DEPDC1B: variants seen among roughly 807,000 people sequenced by gnomAD.
DEPDC1B encodes DEP domain-containing protein 1B.
Under a neutral mutation model 66.5 loss-of-function variants are expected in DEPDC1B, and 51 were observed. That is an observed-to-expected ratio of 0.77 (90% CI 0.61 to 0.97). The LOEUF (loss-of-function observed/expected upper bound fraction) is 0.97. DEPDC1B is among the 50% of genes least tolerant of loss of function. The pLI is 0.00. For missense variants in DEPDC1B, 552 were observed against 637.1 expected, an observed-to-expected ratio of 0.87 and a Z score of 1.44; for synonymous variants, 226 against 223.6, an observed-to-expected ratio of 1.01 and a Z score of -0.10.
At chr5:60,613,386 T>C (rs1055352946) in intron 7 of DEPDC1B, among the ~76,000 whole-genome samples, 3 of 152,218 alleles carry the variant, frequency 2.0e-5, no homozygotes, top group African/African-American at 7.2e-5. Context: ...GAATCATTAA[T>C]GTATTCATTC....
rs756852513 is a variant in DEPDC1B at position 60,687,224 on chromosome 5, T to G, written c.52A>C (p.Asn18His). 2 of 1,606,098 alleles carry G rather than the reference T, an allele frequency of 1.2e-6. No individual in the cohort carries two copies. The highest frequency in any genetic ancestry group is 1.1e-5 in the South Asian group (1 of 90,856). Residue 18 changes from asparagine to histidine, a missense_variant, in exon 2 of 11, where the codon AAT becomes CAT. By Grantham distance (68) the Asn-to-His change is moderately conservative. Coordinates refer to ENST00000265036, the MANE Select transcript of DEPDC1B (RefSeq NM_018369.3). Reference protein sequence around the residue: ...PGPYRATRLWNETVELFRAKM... With the variant: ...PGPYRATRLWHETVELFRAKM... The stretch of plus-strand genomic sequence containing the variant: ...GCACGAAAAAGCTCCACGGTCTCAT[T>G]CCACTAGGGGAAAGAAAGAGAATGG...
At chr5:60,665,198 G>C (rs1161932793) in intron 2 of DEPDC1B, among the ~76,000 whole-genome samples, 1 of 152,032 alleles carries the variant, frequency 6.6e-6, no homozygotes, top group Non-Finnish European at 1.5e-5. Flanking sequence ...AGCCACCGAA[G>C]AAGAAAAAAT....
At chr5:60,685,671 GT>G in intron 2 of DEPDC1B, among the ~76,000 whole-genome samples, 1 of 152,312 alleles carries the variant, frequency 6.6e-6, no homozygotes, top group East Asian at 1.9e-4. Context: ...TAGAATGGAA[GT>G]TACTCATCCA....
At chr5:60,614,843 T>C (rs1036346157) in intron 7 of DEPDC1B, among the ~76,000 whole-genome samples, 1 of 151,646 alleles carries the variant, frequency 6.6e-6, no homozygotes, top group East Asian at 1.9e-4. Context: ...ATACAAAACA[T>C]AGCCAGGCAT....
chr5:60,677,692 C>A (rs978399587), intron 2 of DEPDC1B, among the ~76,000 whole-genome samples: 1 of 152,054 alleles, frequency 6.6e-6, no homozygotes, highest in Non-Finnish European at 1.5e-5. Context: ...CATGCCACCA[C>A]TTCACCTAAC....
chr5:60,624,721 GTTATT>G (rs1366861467), intron 7 of DEPDC1B, among the ~76,000 whole-genome samples: 2 of 152,036 alleles, frequency 1.3e-5, no homozygotes, highest in African/African-American at 2.4e-5. Context: ...TGACATACAT[GTTATT>G]TTATTATTAT....
intron 3 of DEPDC1B, 122 bp downstream of exon 3, chr5:60,647,276 A>T: frequency 7.9e-7 from 1 of 1,260,420 alleles, no homozygotes; most frequent in Non-Finnish European, 1.1e-6. Flanking sequence ...TGGCAGGTAC[A>T]ATTTTGTTTT....
chr5:60,693,618 A>G (rs1210557783), intron 1 of DEPDC1B, among the ~76,000 whole-genome samples: 1 of 152,192 alleles, frequency 6.6e-6, no homozygotes, highest in South Asian at 2.1e-4. Flanking sequence ...AGCAGGATAC[A>G]CAACTTAGCA....
intron 7 of DEPDC1B, among the ~76,000 whole-genome samples, chr5:60,618,833 A>C (rs987861469): frequency 6.6e-6 from 1 of 152,138 alleles, no homozygotes; most frequent in African/African-American, 2.4e-5. Flanking sequence ...GAGACACAAC[A>C]AAAAAAGAGA....
rs188095025 is a variant in DEPDC1B at position 60,615,762 on chromosome 5, A to T, written c.899-9906T>A. Among the ~76,000 whole-genome samples the T allele has an allele frequency of 7.9e-3, 1,198 of 152,308 alleles. 14 individuals carry two copies. The highest frequency in any genetic ancestry group is 0.027 in the African/African-American group (1,135 of 41,568). On this transcript the variant is annotated intron_variant, in intron 7 of 10. Transcript: ENST00000265036. ...GGGAGCAATAACCTCTGCAGACTTA[A>T]ATGTCACTGTCTGACAGCCTTGAAG...
chr5:60,635,102 C>T (rs908483603), intron 7 of DEPDC1B, among the ~76,000 whole-genome samples: 1 of 151,264 alleles, frequency 6.6e-6, no homozygotes, highest in African/African-American at 2.4e-5. Context: ...AAGCCCTGGG[C>T]TCTGAGAGCA....
At chr5:60,663,129 G>T (rs149654961) in intron 2 of DEPDC1B, among the ~76,000 whole-genome samples, 2 of 151,934 alleles carry the variant, frequency 1.3e-5, no homozygotes, top group African/African-American at 2.4e-5. Flanking sequence ...AAAGAAACAC[G>T]TTTTTTTGTC....
chr5:60,659,498 G>C (rs1167402253), intron 2 of DEPDC1B, among the ~76,000 whole-genome samples: 2 of 152,168 alleles, frequency 1.3e-5, no homozygotes, highest in Non-Finnish European at 1.5e-5. Context: ...TGGCTTGGGA[G>C]CATTGGTCTG....
At chr5:60,605,077 A>G (rs890680083) in intron 8 of DEPDC1B, among the ~76,000 whole-genome samples, 5 of 152,210 alleles carry the variant, frequency 3.3e-5, no homozygotes, top group African/African-American at 1.2e-4. Context: ...GCTAGTAAGT[A>G]AATTCTAAAA....
intron 2 of DEPDC1B, among the ~76,000 whole-genome samples, chr5:60,676,233 T>TTTA (rs5868247): frequency 6.6e-6 from 1 of 150,694 alleles, no homozygotes; most frequent in South Asian, 2.1e-4. Context: ...CCCGGCCTTT[T>TTTA]TTTTTTTTTT....
At chr5:60,613,788 TTGTGTG>T (rs36109910) in intron 7 of DEPDC1B, among the ~76,000 whole-genome samples, 1,305 of 103,370 alleles carry the variant, frequency 0.013, 21 homozygotes, top group African/African-American at 0.044. Flanking sequence ...ACATATGTAT[TTGTGTG>T]TGTGTGTGTG....
intron 7 of DEPDC1B, among the ~76,000 whole-genome samples, chr5:60,631,890 T>A (rs1452453997): frequency 6.6e-6 from 1 of 152,146 alleles, no homozygotes; most frequent in Non-Finnish European, 1.5e-5. Context: ...AGTTAATAAG[T>A]GGGGCACACT....
chr5:60,638,676 A>T, intron 7 of DEPDC1B, 74 bp downstream of exon 7: 1 of 1,450,514 alleles, frequency 6.9e-7, no homozygotes, highest in Non-Finnish European at 9.3e-7. Flanking sequence ...GGCTAATGGA[A>T]GTCTCAAAAT....
chr5:60,623,733 A>G (rs915652095), intron 7 of DEPDC1B, among the ~76,000 whole-genome samples: 1 of 152,034 alleles, frequency 6.6e-6, no homozygotes, highest in African/African-American at 2.4e-5. Context: ...TCTTGCACAC[A>G]CCTTGTTTAT....
Sources: allele counts gnomAD v4.1 joint callset (sites outside exome capture counted in the v4.1 genomes callset), GRCh38; gene constraint gnomAD v4.1.1; transcripts MANE v1.5; gene names NCBI Gene and HGNC (gene_info 2026-07-23, HGNC 2026-07-21).